TVP23C: variants seen among roughly 807,000 people sequenced by gnomAD.
TVP23C encodes trans-golgi network vesicle protein 23 homolog C.
A neutral mutation model predicts 28.7 loss-of-function variants in TVP23C; 19 were observed. The observed-to-expected ratio is 0.66, with a 90% CI of 0.46 to 0.97. The LOEUF is 0.97. TVP23C is among the 50% of genes least tolerant of loss of function. The probability of loss-of-function intolerance (pLI) is 0.00; values close to 1 mark genes in which losing one functional copy is unlikely to be tolerated. For missense variants in TVP23C, 186 were observed against 241.3 expected (o/e 0.77, Z 1.52); for synonymous variants, 68 against 81.7 (o/e 0.83, Z 0.90).
downstream of TVP23C, among the ~76,000 whole-genome samples, chr17:15,532,181 T>C (rs1157181666): frequency 6.6e-6 from 1 of 152,226 alleles, no homozygotes; most frequent in Non-Finnish European, 1.5e-5. Context: ...TTAAGTTTTC[T>C]GGCCAGTCTC....
chr17:15,552,834 G>A (rs1049877142), intron 3 of TVP23C, among the ~76,000 whole-genome samples: 38 of 150,600 alleles, frequency 2.5e-4, no homozygotes, highest in Non-Finnish European at 3.3e-4. Context: ...CTATATTTTC[G>A]AACACACACA....
chr17:15,522,690 AAAGAG>A (rs1982529398), intron 5 of TVP23C, among the ~76,000 whole-genome samples: 1 of 152,206 alleles, frequency 6.6e-6, no homozygotes, highest in South Asian at 2.1e-4. Flanking sequence ...TGAATATTGA[AAAGAG>A]AAGTCATAAA....
rs532431986 is a variant in TVP23C at position 15,556,745 on chromosome 17, G to A, written c.13-1381C>T. Among the ~76,000 whole-genome samples, 23 of 152,106 alleles carry A rather than the reference G, an allele frequency of 1.5e-4. 1 individual carries two copies. In the South Asian group the frequency reaches 3.9e-3, roughly 26 times the overall value. On this transcript the variant is annotated intron_variant, in intron 1 of 5. Transcript: ENST00000518321. ...AACCTGATCCTGTTCCTCTCCTAGC[G>A]CCACTCACCAGCCTCCCTGCCTTTA...
At chr17:15,532,567 G>A (rs1157407222), downstream of TVP23C, among the ~76,000 whole-genome samples, 3 of 152,148 alleles carry the variant, frequency 2.0e-5, no homozygotes, top group East Asian at 3.8e-4. Flanking sequence ...TATTGATCAC[G>A]GAAAGTCAGC....
intron 5 of TVP23C, among the ~76,000 whole-genome samples, chr17:15,543,163 G>T (rs889635243): frequency 6.8e-6 from 1 of 146,878 alleles, no homozygotes; most frequent in African/African-American, 2.5e-5. Flanking sequence ...GCAAGAGCCT[G>T]GTAAGTTCTC....
chr17:15,559,926 G>A (rs1360933743), intron 1 of TVP23C, among the ~76,000 whole-genome samples: 1 of 149,258 alleles, frequency 6.7e-6, no homozygotes, highest in Non-Finnish European at 1.5e-5. Flanking sequence ...TGAAAAAGAA[G>A]TACCAAGGAA....
chr17:15,519,561 T>C (rs970012125), intron 5 of TVP23C, among the ~76,000 whole-genome samples: 21 of 152,056 alleles, frequency 1.4e-4, no homozygotes, highest in Non-Finnish European at 4.4e-5. Context: ...GTCTACTCAG[T>C]TTTTTAAAGG....
intron 5 of TVP23C, among the ~76,000 whole-genome samples, chr17:15,542,208 C>T (rs758761760): frequency 6.6e-5 from 10 of 152,014 alleles, no homozygotes; most frequent in African/African-American, 9.7e-5. Context: ...GCAAAAGACC[C>T]GAGAAAAAAA....
intron 3 of TVP23C, among the ~76,000 whole-genome samples, chr17:15,547,710 G>C (rs1037460961): frequency 3.3e-5 from 5 of 152,112 alleles, no homozygotes; most frequent in African/African-American, 1.2e-4. Context: ...CTTCCTCAGG[G>C]AAAGAGGTGA....
At chr17:15,516,227 G>A (rs1174305666) in intron 5 of TVP23C, among the ~76,000 whole-genome samples, 3 of 152,226 alleles carry the variant, frequency 2.0e-5, no homozygotes, top group South Asian at 2.1e-4. Context: ...GCCACCTGCC[G>A]CAGTGCACAG....
Position 15,563,441 on chromosome 17 carries a change from T to A in TVP23C, c.8A>T (p.Gln3Leu). 3 of 1,593,420 alleles carry A rather than the reference T, an allele frequency of 1.9e-6. No homozygotes were observed. The highest frequency in any genetic ancestry group is 2.6e-6 in the Non-Finnish European group (3 of 1,171,810). ...AGCGCGCCCTCAGCCCCTCACCTGC[T>A]GCAACATGGCGGCCCTACGCCAGCC... ML[Q>L]QDSNDDTEDV... Residue 3 changes from glutamine to leucine, a missense_variant, in exon 1 of 6, where the codon CAG becomes CTG. Transcript: ENST00000518321.
downstream of TVP23C, among the ~76,000 whole-genome samples, chr17:15,532,898 C>T (rs1327295147): frequency 1.3e-5 from 2 of 152,208 alleles, no homozygotes; most frequent in African/African-American, 4.8e-5. Flanking sequence ...AACTGCTTCT[C>T]TTCTCAAATT....
At chr17:15,533,945 A>C (rs1983047971), downstream of TVP23C, among the ~76,000 whole-genome samples, 1 of 152,242 alleles carries the variant, frequency 6.6e-6, no homozygotes. Context: ...TATGATTTAC[A>C]CAGAATCTTG....
rs774139190 is a variant in TVP23C, at chr17:15,545,909, G to A, written c.338C>T (p.Ser113Phe). The A allele has an allele frequency of 3.1e-6, 5 of 1,611,194 alleles. No homozygotes were observed. Among genetic ancestry groups the A allele is most frequent in the Non-Finnish European group, 3.4e-6 (4 of 1,179,236 alleles). The change falls in exon 5 of 6, where the codon TCT becomes TTT. Residue 113 changes from serine (S) to phenylalanine (F), a missense_variant. Transcript: ENST00000518321. ...HWVFESRKES[S>F]QENKTVSEAE... ...CTCTGACACAGTTTTATTCTCTTGA[G>A]AGGACTCCTATAAAAGAACATAAAT...
chr17:15,502,992 G>C (rs766152866), exon 6 of TVP23C: 19 of 1,614,036 alleles, frequency 1.2e-5, no homozygotes, highest in Admixed American at 3.3e-5. Flanking sequence ...GGCGCCATCT[G>C]TTGGCAGTTG....
chr17:15,515,147 G>GA (rs1260823988), intron 5 of TVP23C, among the ~76,000 whole-genome samples: 3 of 152,030 alleles, frequency 2.0e-5, no homozygotes, highest in African/African-American at 4.8e-5. Flanking sequence ...ACAGATGTGA[G>GA]AGCAAGAAAG....
intron 5 of TVP23C, among the ~76,000 whole-genome samples, chr17:15,510,299 G>C (rs1981945219): frequency 6.6e-6 from 1 of 152,128 alleles, no homozygotes; most frequent in African/African-American, 2.4e-5. Context: ...CAAGAAATAA[G>C]CAAACAACCA....
exon 6 of TVP23C, chr17:15,502,515 C>G (rs1255488457): frequency 4.5e-6 from 1 of 222,996 alleles, no homozygotes; most frequent in Non-Finnish European, 8.7e-6. Flanking sequence ...TGGCCCAGAG[C>G]CTTGGGGATC....
At chr17:15,507,704 T>C (rs1252864049) in intron 5 of TVP23C, among the ~76,000 whole-genome samples, 1 of 152,076 alleles carries the variant, frequency 6.6e-6, no homozygotes, top group Non-Finnish European at 1.5e-5. Context: ...CCGGGTCTGG[T>C]GGCGGGTGCC....
Sources: gnomAD v4.1 joint callset for allele counts (sites outside exome capture counted in the v4.1 genomes callset) on GRCh38, gnomAD v4.1.1 for gene constraint, MANE v1.5 for transcripts, NCBI Gene and HGNC (gene_info 2026-07-23, HGNC 2026-07-21) for gene names.